Variants in CNGB1 observed in about 807,000 individuals in gnomAD.
The protein encoded by CNGB1 is cyclic nucleotide gated channel subunit beta 1, also known as cyclic nucleotide-gated channel beta-1.
CNGB1 carries 126 observed loss-of-function variants against 151.7 expected under a neutral mutation model. That is an observed-to-expected ratio of 0.83 (90% CI 0.72 to 0.96). CNGB1 has a LOEUF of 0.96. CNGB1 is among the 40% of genes least tolerant of loss of function. The pLI is 0.00. For synonymous variants in CNGB1, 623 were observed against 635.1 expected (o/e 0.98, Z 0.29); for missense variants, 1,698 against 1,627.0 (o/e 1.04, Z -0.75).
At chr16:57,909,605 T>A (rs1009151683) in intron 25 of CNGB1, among the ~76,000 whole-genome samples, 1 of 152,172 alleles carries the variant, frequency 6.6e-6, no homozygotes, top group Non-Finnish European at 1.5e-5. Context: ...ACTAGGCTGG[T>A]CTCAAACTCT....
At chr16:57,915,434 G>A (rs1279720134) in intron 22 of CNGB1, 99 bp from the exon 23 acceptor site, 1 of 952,400 alleles carries the variant, frequency 1.0e-6, no homozygotes, top group Non-Finnish European at 1.7e-6. Flanking sequence ...ATGGAAAGGT[G>A]AGGTCAGAAT....
intron 18 of CNGB1, among the ~76,000 whole-genome samples, chr16:57,921,599 TGTG>T (rs1433286084): frequency 2.6e-5 from 4 of 152,132 alleles, no homozygotes; most frequent in African/African-American, 9.7e-5. Flanking sequence ...CATTCTCTCC[TGTG>T]GTGCACACTC....
intron 25 of CNGB1, among the ~76,000 whole-genome samples, chr16:57,910,946 G>T (rs1337685541): frequency 6.6e-6 from 1 of 152,138 alleles, no homozygotes; most frequent in Non-Finnish European, 1.5e-5. Context: ...ATTGAAACTT[G>T]TGCCAGATTC....
Position 57,884,137 on chromosome 16 carries a change from T to C in CNGB1, c.*27A>G, listed in dbSNP as rs766703655. 5.0e-6 allele frequency: 8 copies of C among 1,613,770 alleles called. No homozygotes were observed. In the African/African-American group the frequency reaches 1.1e-4, roughly 22 times the overall value. On this transcript the variant is annotated 3_prime_UTR_variant, in exon 33 of 33. Coordinates refer to ENST00000251102, the MANE Select transcript of CNGB1 (RefSeq NM_001297.5). ...GCGCTGGGGACACACCTGCTGGAACTGCGCGCGGGATCCGCCTCACCCCAC... is the reference window on the plus strand; with the variant it reads ...GCGCTGGGGACACACCTGCTGGAACCGCGCGCGGGATCCGCCTCACCCCAC...
chr16:57,896,084 C>T (rs1280061591), intron 31 of CNGB1, among the ~76,000 whole-genome samples: 1 of 152,134 alleles, frequency 6.6e-6, no homozygotes, highest in African/African-American at 2.4e-5. Context: ...ATAGCAATCT[C>T]TTTGTAACTA....
intron 10 of CNGB1, among the ~76,000 whole-genome samples, chr16:57,959,139 C>T (rs1490726742): frequency 1.3e-5 from 2 of 151,942 alleles, no homozygotes; most frequent in African/African-American, 4.8e-5. Flanking sequence ...TGCGTGAACC[C>T]AATGATGCAT....
At chr16:57,947,642 T>C (rs1487571581) in intron 14 of CNGB1, among the ~76,000 whole-genome samples, 1 of 152,212 alleles carries the variant, frequency 6.6e-6, no homozygotes, top group Non-Finnish European at 1.5e-5. Flanking sequence ...CTGTGTGGCC[T>C]CCTGTCAAGG....
At chr16:57,899,596 T>C (rs1295500779) in intron 29 of CNGB1, among the ~76,000 whole-genome samples, 1 of 152,052 alleles carries the variant, frequency 6.6e-6, no homozygotes, top group East Asian at 1.9e-4. Context: ...GCCGAGATAG[T>C]GCCACTGCAC....
At chr16:57,965,707 C>T (rs1962377661) in intron 2 of CNGB1, among the ~76,000 whole-genome samples, 1 of 149,682 alleles carries the variant, frequency 6.7e-6, no homozygotes, top group Admixed American at 6.6e-5. Flanking sequence ...TACATGAGTA[C>T]ACTCACATAC....
intron 16 of CNGB1, among the ~76,000 whole-genome samples, chr16:57,932,955 C>A (rs1303729662): frequency 2.6e-5 from 4 of 152,100 alleles, no homozygotes; most frequent in African/African-American, 4.8e-5. Context: ...CACTCTGTCA[C>A]CCAGGCTGGA....
intron 20 of CNGB1, among the ~76,000 whole-genome samples, 169 bp downstream of exon 20, chr16:57,918,930 T>C (rs772599031): frequency 6.6e-6 from 1 of 152,144 alleles, no homozygotes; most frequent in Non-Finnish European, 1.5e-5. Context: ...GTTTTGAGAA[T>C]CAGGCAAGAA....
intron 29 of CNGB1, among the ~76,000 whole-genome samples, chr16:57,900,303 G>A (rs1373925538): frequency 5.3e-5 from 8 of 152,112 alleles, no homozygotes; most frequent in Non-Finnish European, 1.2e-4. Flanking sequence ...TCTTCACCCC[G>A]GCTCTCTGCT....
intron 32 of CNGB1, 46 bp downstream of exon 32, chr16:57,887,809 A>C (rs893198760): frequency 1.3e-6 from 2 of 1,587,240 alleles, no homozygotes; most frequent in Admixed American, 1.7e-5. Flanking sequence ...CTTCTCCCTG[A>C]CACATATTGA....
At chr16:57,938,215 C>T (rs1291435180) in intron 16 of CNGB1, among the ~76,000 whole-genome samples, 1 of 152,228 alleles carries the variant, frequency 6.6e-6, no homozygotes, top group Non-Finnish European at 1.5e-5. Flanking sequence ...CCCCACTGAA[C>T]CAAGCCTGCA....
intron 14 of CNGB1, among the ~76,000 whole-genome samples, chr16:57,949,146 G>A (rs1192272536): frequency 6.6e-6 from 1 of 152,014 alleles, no homozygotes; most frequent in Non-Finnish European, 1.5e-5. Context: ...GGGGGGATGT[G>A]GAGTGGTGGG....
intron 31 of CNGB1, among the ~76,000 whole-genome samples, chr16:57,897,050 C>T (rs7206795): frequency 0.13 from 19,482 of 151,914 alleles, 2,963 homozygotes; most frequent in African/African-American, 0.37. Flanking sequence ...ACACCTGTAA[C>T]CCCAGCACTT....
Position 57,911,575 on chromosome 16 carries a change from C to T in CNGB1, c.2492+178G>A, listed in dbSNP as rs543919980. On this transcript the variant is annotated intron_variant, in intron 25 of 32. Transcript: ENST00000251102. The stretch of plus-strand genomic sequence containing the variant: ...AAGTGCTGGGGTTAAAGGTGTGAGC[C>T]ACCACACCCGGCCCAAGATGTGGCT... 2.1e-4 allele frequency among the ~76,000 whole-genome samples: 32 copies of T among 152,348 alleles called. 1 individual carries two copies. The South Asian group carries it at 6.0e-3, about 29-fold the overall frequency.
chr16:57,966,984 C>A (rs965880630), intron 2 of CNGB1, 144 bp downstream of exon 2: 98 of 1,108,560 alleles, frequency 8.8e-5, no homozygotes, highest in Non-Finnish European at 1.1e-4. Context: ...CTCACTCGAA[C>A]AAGTGTGGGA....
At chr16:57,903,083 T>G (rs574948983) in intron 27 of CNGB1, among the ~76,000 whole-genome samples, 36 of 148,768 alleles carry the variant, frequency 2.4e-4, no homozygotes, top group African/African-American at 8.7e-4. Context: ...GCACCCATCA[T>G]GGGGTGTGCA....
Sources: allele counts gnomAD v4.1 joint callset (sites outside exome capture counted in the v4.1 genomes callset), GRCh38; gene constraint gnomAD v4.1.1; transcripts MANE v1.5; gene names NCBI Gene and HGNC (gene_info 2026-07-23, HGNC 2026-07-21).